Variants in CCNF observed in about 807,000 individuals in gnomAD.
CCNF encodes cyclin F, also known as cyclin-F.
CCNF carries 30 observed loss-of-function variants against 85.4 expected under a neutral mutation model. That is an observed-to-expected ratio of 0.35 (90% CI 0.26 to 0.48). The LOEUF is 0.48. CCNF is among the 20% of genes least tolerant of loss of function. CCNF has a pLI of 0.99. For synonymous variants in CCNF, 439 were observed against 425.1 expected, an observed-to-expected ratio of 1.03 and a Z score of -0.40; for missense variants, 919 against 1,010.4, an observed-to-expected ratio of 0.91 and a Z score of 1.23.
In CCNF at chr16:2,449,918, G is replaced by A. The variant is rs779403661; in HGVS notation, c.1487+3G>A. 5 of 1,610,690 alleles carry A rather than the reference G, an allele frequency of 3.1e-6. No homozygotes were observed. In the Admixed American group the frequency reaches 8.3e-5, roughly 27 times the overall value. ...GTCTTGAGCCTCCATAAGAAGTGGT[G>A]AGTTTTGGCCGGGCGCAGAGGCTCA... On this transcript the variant is annotated splice_donor_region_variant and intron_variant, in intron 13 of 16. Transcript: ENST00000397066.
chr16:2,446,667 A>G (rs2065363946), intron 10 of CCNF, among the ~76,000 whole-genome samples: 2 of 152,232 alleles, frequency 1.3e-5, no homozygotes, highest in Admixed American at 6.5e-5. Flanking sequence ...CACACAGCAT[A>G]TGTGTAAGCT....
intron 2 of CCNF, among the ~76,000 whole-genome samples, chr16:2,432,525 G>T (rs974958092): frequency 2.0e-5 from 3 of 152,154 alleles, no homozygotes; most frequent in African/African-American, 7.2e-5. Context: ...TTCTACCTGA[G>T]ACCTCCATCA....
chr16:2,431,012 G>T (rs1014522700), intron 1 of CCNF, 118 bp from the exon 2 acceptor site: 7 of 1,063,560 alleles, frequency 6.6e-6, no homozygotes, highest in Non-Finnish European at 1.0e-5. Context: ...GTGGCACAGG[G>T]AATAGTAACC....
intron 9 of CCNF, among the ~76,000 whole-genome samples, chr16:2,445,102 G>A (rs1325964928): frequency 1.3e-5 from 2 of 152,122 alleles, no homozygotes; most frequent in Admixed American, 6.6e-5. Context: ...ATTCCCTTGC[G>A]ACTGTCCACC....
chr16:2,449,158 T>C (rs1567389105), intron 11 of CCNF, 124 bp from the exon 12 acceptor site: 3 of 1,431,268 alleles, frequency 2.1e-6, no homozygotes, highest in Non-Finnish European at 3.0e-6. Context: ...TCTGCGCTGG[T>C]GCGCTACGCG....
intron 16 of CCNF, 127 bp downstream of exon 16, chr16:2,455,691 G>A: frequency 7.3e-7 from 1 of 1,378,784 alleles, no homozygotes; most frequent in Middle Eastern, 2.7e-4. Flanking sequence ...GCGGGGTGGG[G>A]CCAGCTCCTG....
chr16:2,449,776 A>AT, intron 12 of CCNF, 52 bp from the exon 13 acceptor site: 1 of 383,528 alleles, frequency 2.6e-6, no homozygotes, highest in Non-Finnish European at 4.3e-6. Flanking sequence ...CGTCCCCTCC[A>AT]TCCCCTCCGT....
At chr16:2,454,361 G>A (rs762693375) in intron 15 of CCNF, among the ~76,000 whole-genome samples, 23 of 152,118 alleles carry the variant, frequency 1.5e-4, no homozygotes, top group Non-Finnish European at 2.5e-4. Flanking sequence ...CTCCACACAC[G>A]CACCGACTCC....
At chr16:2,441,937 TTATATATATA>T (rs55737759) in intron 8 of CCNF, among the ~76,000 whole-genome samples, 7,019 of 59,930 alleles carry the variant, frequency 0.12, 444 homozygotes, top group Middle Eastern at 0.23. Flanking sequence ...TATTAGCAAA[TTATATATATA>T]TATATATATA....
chr16:2,445,910 A>G (rs756448731), intron 10 of CCNF, among the ~76,000 whole-genome samples: 6 of 151,876 alleles, frequency 4.0e-5, no homozygotes, highest in Admixed American at 1.3e-4. Flanking sequence ...TTGTATTTTT[A>G]GTAGAGACGG....
Position 2,445,628 on chromosome 16 carries a change from A to C in CCNF, c.1094+6A>C. 1 of 1,610,276 alleles carries C rather than the reference A, an allele frequency of 6.2e-7. No homozygotes were observed. Among genetic ancestry groups the C allele is most frequent in the Non-Finnish European group, 8.5e-7 (1 of 1,179,736 alleles). On this transcript the variant is annotated splice_donor_region_variant and intron_variant, in intron 10 of 16. Coordinates refer to ENST00000397066, the MANE Select transcript of CCNF (RefSeq NM_001761.3). ...TGCATGGTCATCTGCACCCGGTGAG[A>C]AGCCCCCTTGGCCCAGCTGGCAGGG...
At chr16:2,450,372 G>A (rs796790219) in intron 13 of CCNF, among the ~76,000 whole-genome samples, 4 of 150,370 alleles carry the variant, frequency 2.7e-5, no homozygotes, top group South Asian at 2.1e-4. Flanking sequence ...TTAGCTGGGC[G>A]TGGTGGCATG....
intron 2 of CCNF, 30 bp downstream of exon 2, chr16:2,431,314 C>G (rs2065261368): frequency 6.2e-7 from 1 of 1,606,506 alleles, no homozygotes; most frequent in Non-Finnish European, 8.5e-7. Context: ...CACTATGAGC[C>G]CTAGCATTGT....
chr16:2,451,851 A>G lies in CCNF; in HGVS notation c.1488-1359A>G, dbSNP rs1047907260. The stretch of plus-strand genomic sequence containing the variant: ...GGCCCCGGAATTCTGGCTTTCTGCC[A>G]CTCCTCAGACTCCTTCCTGGGAGAC... On this transcript the variant is annotated intron_variant, in intron 13 of 16. Transcript: ENST00000397066. The surrounding 1 kb of genome is among the most constrained non-coding windows in gnomAD (Gnocchi z 4.3). Among the ~76,000 whole-genome samples the G allele has an allele frequency of 1.3e-5, 2 of 149,364 alleles. No individual in the cohort carries two copies. Among genetic ancestry groups the G allele is most frequent in the Non-Finnish European group, 3.0e-5 (2 of 67,304 alleles).
chr16:2,450,335 C>CT (rs1379403248), intron 13 of CCNF, among the ~76,000 whole-genome samples: 2 of 20,872 alleles, frequency 9.6e-5, no homozygotes, highest in Non-Finnish European at 1.5e-4. Context: ...CCTGTCTCTA[C>CT]TAAAAAAAAA....
In CCNF at chr16:2,457,017, G is replaced by C. The variant is rs779434402; in HGVS notation, c.2358G>C (p.Leu786=). 5 of 1,576,032 alleles carry C rather than the reference G, an allele frequency of 3.2e-6. No individual in the cohort carries two copies. The African/African-American group carries it at 6.7e-5, about 21-fold the overall frequency. ...EEDMNLGLVR[L] ...ACATGAACCTGGGCCTTGTGAGGCT[G>C]TAAGTGTGTCAGCACATTTGCCGCA... Residue 786 remains leucine (L), a synonymous_variant, in exon 17 of 17, where the codon CTG becomes CTC. Transcript: ENST00000397066.
At chr16:2,454,925 T>C (rs903311071) in intron 15 of CCNF, among the ~76,000 whole-genome samples, 2 of 151,990 alleles carry the variant, frequency 1.3e-5, no homozygotes, top group South Asian at 4.1e-4. Context: ...CTGGGTGTGA[T>C]GGCGGGCACC....
At chr16:2,437,801 C>T (rs1443061267) in intron 5 of CCNF, 6 of 451,660 alleles carry the variant, frequency 1.3e-5, no homozygotes, top group Admixed American at 3.5e-5. Context: ...CAGGAGGCTG[C>T]GGTGGGAGGA....
Position 2,448,778 on chromosome 16 carries a change from T to TA in CCNF, c.1095-74dup, listed in dbSNP as rs1464306444. 6 of 1,418,170 alleles carry TA rather than the reference T, an allele frequency of 4.2e-6. No homozygotes were observed. The Admixed American group carries it at 1.2e-4, about 27-fold the overall frequency. The allele number at this position is 1,418,170 out of a possible 1,614,324, so 87.8% of individuals were successfully genotyped here. A position where few individuals can be genotyped will look rare whatever the true frequency, so the allele number is the denominator to read the frequency against. On this transcript the variant is annotated intron_variant, in intron 10 of 16. Coordinates refer to ENST00000397066, the MANE Select transcript of CCNF (RefSeq NM_001761.3). ...GCTCCCTCCCTACCTTGAGGCCTCC[T>TA]AAAGCCTTGGGTCCCTCCGCCCCAC...
Sources: gnomAD v4.1 joint callset for allele counts (sites outside exome capture counted in the v4.1 genomes callset) on GRCh38, gnomAD v4.1.1 for gene constraint, Gnocchi (gnomAD v3.1) non-coding constraint, MANE v1.5 for transcripts, NCBI Gene and HGNC (gene_info 2026-07-23, HGNC 2026-07-21) for gene names.